PHLPP1: variants seen among roughly 807,000 people sequenced by gnomAD.
PHLPP1 encodes PH domain and leucine rich repeat protein phosphatase 1.
PHLPP1 carries 42 observed loss-of-function variants against 117.2 expected under a neutral mutation model. The ratio of observed to expected loss-of-function variants is 0.36; its 90% confidence interval spans 0.28 to 0.46. PHLPP1 has a LOEUF of 0.46. Ranked by LOEUF, PHLPP1 falls within the 20% of genes least tolerant of loss-of-function variation. The pLI is 1.00. For synonymous variants in PHLPP1, 1,042 were observed against 970.7 expected (o/e 1.07, Z -1.37); for missense variants, 2,084 against 2,241.9 (o/e 0.93, Z 1.42).
intron 1 of PHLPP1, among the ~76,000 whole-genome samples, chr18:62,828,444 T>C (rs1177487730): frequency 6.6e-6 from 1 of 152,212 alleles, no homozygotes; most frequent in African/African-American, 2.4e-5. Flanking sequence ...TCTAACAGTG[T>C]AGCTGTTTGC....
intron 4 of PHLPP1, among the ~76,000 whole-genome samples, chr18:62,873,215 G>T (rs142077039): frequency 5.3e-4 from 80 of 152,272 alleles, no homozygotes; most frequent in South Asian, 1.9e-3. Flanking sequence ...AAGTTTGATA[G>T]TAATAATTTG....
intron 4 of PHLPP1, among the ~76,000 whole-genome samples, chr18:62,884,298 C>G (rs1916233583): frequency 1.3e-5 from 2 of 152,194 alleles, no homozygotes; most frequent in South Asian, 4.1e-4. Flanking sequence ...GGATATAAAC[C>G]AAACTATTGA....
chr18:62,963,505 C>A, intron 14 of PHLPP1, 33 bp downstream of exon 14: 1 of 1,336,688 alleles, frequency 7.5e-7, no homozygotes, highest in Non-Finnish European at 1.1e-6. Flanking sequence ...GGAAGAAGTG[C>A]CTCCTGCCTG....
chr18:62,866,081 G>A (rs940688130), intron 4 of PHLPP1, among the ~76,000 whole-genome samples: 2 of 152,106 alleles, frequency 1.3e-5, no homozygotes, highest in Non-Finnish European at 2.9e-5. Context: ...TTTAAAGTTG[G>A]GGTCTATGGG....
intron 1 of PHLPP1, among the ~76,000 whole-genome samples, chr18:62,818,254 G>T (rs1292302933): frequency 6.6e-6 from 1 of 152,160 alleles, no homozygotes; most frequent in Non-Finnish European, 1.5e-5. Flanking sequence ...TTTTGGGCCA[G>T]CCGCAGTGGC....
chr18:62,934,607 G>A (rs1909914485), intron 10 of PHLPP1, among the ~76,000 whole-genome samples: 1 of 152,040 alleles, frequency 6.6e-6, no homozygotes, highest in African/African-American at 2.4e-5. Context: ...CTACCTATTG[G>A]GTACTATTTG....
chr18:62,875,859 A>C (rs1264477205), intron 4 of PHLPP1, among the ~76,000 whole-genome samples: 1 of 151,876 alleles, frequency 6.6e-6, no homozygotes, highest in Admixed American at 6.6e-5. Context: ...CAGCCTCCTG[A>C]GTAGCTGGGA....
At chr18:62,842,323 A>G (rs1456325838) in intron 3 of PHLPP1, among the ~76,000 whole-genome samples, 2 of 151,744 alleles carry the variant, frequency 1.3e-5, no homozygotes, top group Non-Finnish European at 2.9e-5. Flanking sequence ...CCTCCTGAGA[A>G]GTTGGGGTGG....
intron 1 of PHLPP1, among the ~76,000 whole-genome samples, chr18:62,749,749 T>C (rs147061221): frequency 3.3e-4 from 51 of 152,316 alleles, no homozygotes; most frequent in African/African-American, 1.2e-3. Context: ...TTGGGCGCGG[T>C]GGCTCATGCC....
rs561831112 is a variant in PHLPP1, at chr18:62,901,805, T to G, written c.2445-1159T>G. Among the ~76,000 whole-genome samples the G allele has an allele frequency of 1.6e-4, 24 of 151,928 alleles. No individual in the cohort carries two copies. In the South Asian group the frequency reaches 5.0e-3, roughly 32 times the overall value. ...TGCCCAGCTAATTTTTTGTATTTTT[T>G]TTTTAGTAGAGATGGGGTTTCACCA... On this transcript the variant is annotated intron_variant, in intron 6 of 16. Transcript: ENST00000262719.
intron 1 of PHLPP1, among the ~76,000 whole-genome samples, chr18:62,757,262 GATGT>G (rs752012074): frequency 1.2e-4 from 19 of 152,280 alleles, no homozygotes; most frequent in Non-Finnish European, 2.5e-4. Flanking sequence ...GTAATGGGCC[GATGT>G]ATTTAGTGCC....
Position 62,715,944 on chromosome 18 carries a change from G to T in PHLPP1, c.261G>T (p.Ala87=). Residue 87 remains alanine (A), a synonymous_variant, in exon 1 of 17, where the codon GCG becomes GCT. Coordinates refer to ENST00000262719, the MANE Select transcript of PHLPP1 (RefSeq NM_194449.4). ...EAPPGPLPGR[A]GGAGRRRRRG... is the part of the protein sequence containing the mutation. Reference sequence around the variant, plus strand: ...CGCCGGGGCCGCTGCCGGGCAGAGCGGGGGGTGCCGGGCGCAGGAGGCGGC... The same window carrying T: ...CGCCGGGGCCGCTGCCGGGCAGAGCTGGGGGTGCCGGGCGCAGGAGGCGGC... 1 of 1,160,368 alleles carries T rather than the reference G, an allele frequency of 8.6e-7. No homozygotes were observed. 71.9% of individuals were successfully genotyped at this position (1,160,368 alleles called of 1,614,324 possible).
At chr18:62,724,048 A>C (rs911530375) in intron 1 of PHLPP1, among the ~76,000 whole-genome samples, 1 of 152,142 alleles carries the variant, frequency 6.6e-6, no homozygotes, top group African/African-American at 2.4e-5. Flanking sequence ...ACTTGGACCT[A>C]ATGTACACAA....
At position 62,716,685 on chromosome 18, in the gene PHLPP1, C is replaced by T; in HGVS notation, c.1002C>T (p.Val334=). The T allele has an allele frequency of 6.8e-7, 1 of 1,470,558 alleles. No individual in the cohort carries two copies. The highest frequency in any genetic ancestry group is 1.3e-5 in the South Asian group (1 of 77,750). The allele number at this position is 1,470,558 out of a possible 1,614,324, so 91.1% of individuals were successfully genotyped here. Residue 334 remains valine, a synonymous_variant, in exon 1 of 17, where the codon GTC becomes GTT. Transcript: ENST00000262719. This position sits in a 1 kb window ranked among gnomAD's most constrained non-coding sequence, Gnocchi z 5.7. ...GCGAGCCGTTCGTTGGGGGCCCTGT[C>T]TCTTCGCCCCGCGCCCCACGGCCTG... is the stretch of plus-strand genomic sequence containing the variant. ...SPGEPFVGGP[V]SSPRAPRPVV... is the part of the protein sequence containing the mutation.
chr18:62,740,587 A>G (rs1911497048), intron 1 of PHLPP1, among the ~76,000 whole-genome samples: 1 of 152,236 alleles, frequency 6.6e-6, no homozygotes, highest in African/African-American at 2.4e-5. Flanking sequence ...TAAGCATTGT[A>G]TTTTCATTTT....
At chr18:62,873,067 C>T (rs1328816755) in intron 4 of PHLPP1, among the ~76,000 whole-genome samples, 1 of 151,600 alleles carries the variant, frequency 6.6e-6, no homozygotes, top group African/African-American at 2.4e-5. Flanking sequence ...GCGTTTGGCC[C>T]AGTATAATCC....
At chr18:62,832,133 A>C (rs959956344) in intron 2 of PHLPP1, 1 of 152,252 alleles carries the variant, frequency 6.6e-6, no homozygotes, top group South Asian at 2.1e-4. Flanking sequence ...TAATATAACT[A>C]TTCAGTATCC....
intron 10 of PHLPP1, among the ~76,000 whole-genome samples, chr18:62,940,526 G>A (rs943586411): frequency 1.3e-5 from 2 of 151,402 alleles, no homozygotes; most frequent in African/African-American, 2.4e-5. Flanking sequence ...CACCACACCC[G>A]GCTAATTTTT....
chr18:62,945,127 G>A lies in PHLPP1; in HGVS notation c.3180G>A (p.Glu1060=), dbSNP rs554971859. The change falls in exon 12 of 17, where the codon GAG becomes GAA. Residue 1060 remains glutamate (E), a synonymous_variant. Transcript: ENST00000262719. ...TTTTTAGTAAAATGGCGAAACTGGA[G>A]GAACTTGAAGAAATTGATCTCAGTG... ...SFPASKMAKL[E]ELEEIDLSGN... 2.6e-5 allele frequency: 42 copies of A among 1,589,188 alleles called. No individual in the cohort carries two copies. The South Asian group carries it at 4.8e-4, about 18-fold the overall frequency.
Sources: allele counts gnomAD v4.1 joint callset (sites outside exome capture counted in the v4.1 genomes callset), GRCh38; gene constraint gnomAD v4.1.1; non-coding constraint Gnocchi (gnomAD v3.1); transcripts MANE v1.5; gene names NCBI Gene and HGNC (gene_info 2026-07-23, HGNC 2026-07-21).